PDIA4: variants seen among roughly 807,000 people sequenced by gnomAD.
PDIA4 encodes protein disulfide-isomerase A4.
Under a neutral mutation model 62.1 loss-of-function variants are expected in PDIA4, and 33 were observed. That is an observed-to-expected ratio of 0.53 (90% CI 0.40 to 0.71). PDIA4 has a LOEUF of 0.71. Ranked by LOEUF, PDIA4 falls within the 30% of genes least tolerant of loss-of-function variation. The pLI, the probability that PDIA4 is intolerant of heterozygous loss-of-function variation, is 0.00. For synonymous variants in PDIA4, 341 were observed against 324.1 expected, an observed-to-expected ratio of 1.05 and a Z score of -0.56; for missense variants, 804 against 813.6, an observed-to-expected ratio of 0.99 and a Z score of 0.14.
At chr7:149,023,862 G>A (rs1824443327) in intron 1 of PDIA4, among the ~76,000 whole-genome samples, 1 of 152,174 alleles carries the variant, frequency 6.6e-6, no homozygotes, top group Non-Finnish European at 1.5e-5. Flanking sequence ...ACATTACAAT[G>A]TGACAGAGCT....
chr7:149,010,990 G>C (rs544148891), intron 6 of PDIA4, among the ~76,000 whole-genome samples: 1 of 152,206 alleles, frequency 6.6e-6, no homozygotes, highest in Non-Finnish European at 1.5e-5. Context: ...CTAGTTAGGC[G>C]TGAATAACAA....
chr7:149,019,325 G>A (rs1585426363), intron 2 of PDIA4, 128 bp from the exon 3 acceptor site: 1 of 702,314 alleles, frequency 1.4e-6, no homozygotes, highest in East Asian at 2.7e-5. Flanking sequence ...CTGATCCCCA[G>A]TGTGGCAGTG....
At chr7:149,027,757 A>T in intron 1 of PDIA4, 1 of 429,998 alleles carries the variant, frequency 2.3e-6, no homozygotes, top group South Asian at 1.7e-5. Context: ...TGCTAAATGC[A>T]GAAGGAATGG....
At chr7:149,008,378 C>T in intron 6 of PDIA4, 68 bp from the exon 7 acceptor site, 1 of 1,481,880 alleles carries the variant, frequency 6.7e-7, no homozygotes, top group Admixed American at 1.8e-5. Flanking sequence ...AATTCGTTAC[C>T]CACATCAGCC....
At chr7:149,014,869 G>A (rs1824075390) in intron 4 of PDIA4, 35 bp downstream of exon 4, 1 of 1,609,162 alleles carries the variant, frequency 6.2e-7, no homozygotes, top group Non-Finnish European at 8.5e-7. Context: ...GCCCACCAGG[G>A]TACTGAATAT....
intron 3 of PDIA4, among the ~76,000 whole-genome samples, chr7:149,016,744 C>T (rs1007583368): frequency 6.6e-6 from 1 of 152,134 alleles, no homozygotes; most frequent in Non-Finnish European, 1.5e-5. Flanking sequence ...ATCTCCTGAC[C>T]TCGTGATCCA....
At position 149,003,502 on chromosome 7, in the gene PDIA4, A is replaced by AG. The variant is rs1199695798; in HGVS notation, c.*291_*292insC. 6.7e-6 allele frequency: 2 copies of AG among 297,506 alleles called. No homozygotes were observed. Among genetic ancestry groups the AG allele is most frequent in the Non-Finnish European group, 1.2e-5 (2 of 163,496 alleles). The allele number at this position is 297,506 out of a possible 1,614,324, so 18.4% of individuals were successfully genotyped here. On this transcript the variant is annotated 3_prime_UTR_variant, in exon 10 of 10. Transcript: ENST00000652332. ...AAAAGAAAACATTTTCACACAGAAG[A>AG]ATTATCTGCTTTGAGAAATAAAGAA...
chr7:149,027,768 T>G (rs945399348), intron 1 of PDIA4: 2 of 441,036 alleles, frequency 4.5e-6, no homozygotes, highest in African/African-American at 2.0e-5. Context: ...GAAGGAATGG[T>G]ATCTCTAGTT....
intron 6 of PDIA4, among the ~76,000 whole-genome samples, chr7:149,010,021 T>C (rs74684068): frequency 0.11 from 16,432 of 152,172 alleles, 984 homozygotes; most frequent in African/African-American, 0.15. Flanking sequence ...TGGTAAACCA[T>C]GTTTTTGGGA....
At chr7:149,013,382 C>CAA (rs892890889) in intron 4 of PDIA4, among the ~76,000 whole-genome samples, 10 of 152,200 alleles carry the variant, frequency 6.6e-5, no homozygotes, top group Admixed American at 5.9e-4. Flanking sequence ...CTTGCAACTT[C>CAA]AAAACCATTT....
chr7:149,028,466 C>T lies in PDIA4; in HGVS notation c.-58G>A, dbSNP rs562207922. 5.7e-6 allele frequency: 7 copies of T among 1,238,096 alleles called. No individual in the cohort carries two copies. The African/African-American group carries it at 9.5e-5, about 17-fold the overall frequency. 76.7% of individuals were successfully genotyped at this position (1,238,096 alleles called of 1,614,324 possible). A position where few individuals can be genotyped will look rare whatever the true frequency, so the allele number is the denominator to read the frequency against. On this transcript the variant is annotated 5_prime_UTR_variant, in exon 1 of 10. Transcript: ENST00000652332. ...CGGCGGCCGCTGAGCGCACCGAGAA[C>T]TCGGGGTCTGGCCGACAGCCCGTCG...
intron 1 of PDIA4, among the ~76,000 whole-genome samples, chr7:149,021,975 T>C (rs1451148531): frequency 2.0e-5 from 3 of 152,212 alleles, no homozygotes; most frequent in South Asian, 2.1e-4. Context: ...TGCTCACTGA[T>C]GTGCCGCCTC....
intron 4 of PDIA4, among the ~76,000 whole-genome samples, chr7:149,014,272 A>C (rs1371543341): frequency 1.3e-5 from 2 of 151,838 alleles, no homozygotes; most frequent in Non-Finnish European, 2.9e-5. Flanking sequence ...TAGGCCCAAA[A>C]GCTTCCTCTG....
At chr7:149,013,347 C>T (rs1051266935) in intron 4 of PDIA4, among the ~76,000 whole-genome samples, 1 of 152,202 alleles carries the variant, frequency 6.6e-6, no homozygotes, top group African/African-American at 2.4e-5. Flanking sequence ...GTCCTTAGGA[C>T]ACCCAAATGA....
chr7:149,024,405 A>G (rs1342005201), intron 1 of PDIA4, among the ~76,000 whole-genome samples: 1 of 152,172 alleles, frequency 6.6e-6, no homozygotes, highest in Non-Finnish European at 1.5e-5. Context: ...TGCTAGCTCT[A>G]GCCTTCTATC....
In PDIA4 at chr7:149,003,753, AG is replaced by A; in HGVS notation, c.*40del. 1 of 1,452,028 alleles carries A rather than the reference AG, an allele frequency of 6.9e-7. No individual in the cohort carries two copies. The highest frequency in any genetic ancestry group is 9.1e-7 in the Non-Finnish European group (1 of 1,096,530). 89.9% of individuals were successfully genotyped at this position (1,452,028 alleles called of 1,614,324 possible). On this transcript the variant is annotated 3_prime_UTR_variant, in exon 10 of 10. Coordinates refer to ENST00000652332, the MANE Select transcript of PDIA4 (RefSeq NM_004911.5). ...TGGACGCCCCGACCATGGGCCACGC[AG>A]GGCGTCTGCCTCCTCCCACCTTCCG... is the stretch of plus-strand genomic sequence containing the variant.
chr7:149,015,088 A>G (rs773393630), intron 3 of PDIA4, 46 bp from the exon 4 acceptor site: 2 of 1,606,694 alleles, frequency 1.2e-6, no homozygotes, highest in Non-Finnish European at 8.5e-7. Flanking sequence ...CCAAACTGGC[A>G]GGCACTTCAC....
At chr7:149,016,579 C>T (rs866491604) in intron 3 of PDIA4, among the ~76,000 whole-genome samples, 3 of 151,586 alleles carry the variant, frequency 2.0e-5, no homozygotes, top group South Asian at 2.1e-4. Context: ...AGTGCAGTGG[C>T]GCGATCTCGG....
At chr7:149,012,418 C>T in intron 4 of PDIA4, 58 bp from the exon 5 acceptor site, 1 of 1,447,220 alleles carries the variant, frequency 6.9e-7, no homozygotes, top group Non-Finnish European at 9.6e-7. Flanking sequence ...CACTTTCTAG[C>T]TAAATGAGCT....
Sources: allele counts gnomAD v4.1 joint callset (sites outside exome capture counted in the v4.1 genomes callset), GRCh38; gene constraint gnomAD v4.1.1; transcripts MANE v1.5; gene names NCBI Gene and HGNC (gene_info 2026-07-23, HGNC 2026-07-21).